Variants in SPTSSB observed in about 807,000 individuals in gnomAD.
The protein encoded by SPTSSB is androgen down regulated in mouse prostate.
A neutral mutation model predicts 7.7 loss-of-function variants in SPTSSB; 6 were observed. The ratio of observed to expected loss-of-function variants is 0.78; its 90% confidence interval spans 0.43 to 1.54. The LOEUF (loss-of-function observed/expected upper bound fraction) is 1.54. SPTSSB is among the 40% of genes most tolerant of loss of function. SPTSSB has a pLI of 0.01. For missense variants in SPTSSB, 91 were observed against 93.0 expected, an observed-to-expected ratio of 0.98 and a Z score of 0.09; for synonymous variants, 28 against 29.7, an observed-to-expected ratio of 0.94 and a Z score of 0.19.
chr3:161,369,233 C>T (rs1576904535), intron 1 of SPTSSB, among the ~76,000 whole-genome samples: 2 of 152,026 alleles, frequency 1.3e-5, no homozygotes, highest in South Asian at 2.1e-4. Flanking sequence ...TTCTCTAACA[C>T]TTGCTATTAT....
In SPTSSB at chr3:161,345,155, T is replaced by A. The variant is rs1210223702; in HGVS notation, c.*938A>T. 4 of 152,622 alleles carry A rather than the reference T, an allele frequency of 2.6e-5. No homozygotes were observed. Among genetic ancestry groups the A allele is most frequent in the African/African-American group, 9.7e-5 (4 of 41,448 alleles). The allele number at this position is 152,622 out of a possible 1,614,324, so 9.5% of individuals were successfully genotyped here. A position where few individuals can be genotyped will look rare whatever the true frequency, so the allele number is the denominator to read the frequency against. On this transcript the variant is annotated 3_prime_UTR_variant, in exon 3 of 3. Coordinates refer to ENST00000620149, the MANE Select transcript of SPTSSB (RefSeq NM_001040100.2). ...TTTGAAGGAAATTTAATAAATCTTG[T>A]TTTGGCTCTGCAAAGGAGCCACTAT... is the stretch of plus-strand genomic sequence containing the variant.
At chr3:161,347,254 CTATT>C (rs528543478) in intron 2 of SPTSSB, among the ~76,000 whole-genome samples, 9 of 151,970 alleles carry the variant, frequency 5.9e-5, no homozygotes, top group Non-Finnish European at 1.0e-4. Context: ...TATGTTGTGG[CTATT>C]TATTTATTTA....
At chr3:161,369,025 A>G (rs1490953431) in intron 1 of SPTSSB, among the ~76,000 whole-genome samples, 1 of 152,216 alleles carries the variant, frequency 6.6e-6, no homozygotes, top group African/African-American at 2.4e-5. Context: ...CACTATGAAC[A>G]TTTGTGTACA....
At chr3:161,357,809 G>A (rs2108162170) in intron 2 of SPTSSB, among the ~76,000 whole-genome samples, 1 of 152,256 alleles carries the variant, frequency 6.6e-6, no homozygotes, top group South Asian at 2.1e-4. Context: ...AGCCACCAGA[G>A]CTGGAAGAGG....
chr3:161,363,306 T>G (rs1715085252), intron 1 of SPTSSB, among the ~76,000 whole-genome samples: 1 of 151,690 alleles, frequency 6.6e-6, no homozygotes, highest in Non-Finnish European at 1.5e-5. Flanking sequence ...CTAGAAATAG[T>G]ACAGTTAATC....
rs564982103 is a variant in SPTSSB at position 161,359,789 on chromosome 3, A to G, written c.-33+13T>C. 1.0e-6 allele frequency: 1 copy of G among 985,452 alleles called. No homozygotes were observed. Among genetic ancestry groups the G allele is most frequent in the Non-Finnish European group, 1.2e-6 (1 of 829,946 alleles). 61.0% of individuals were successfully genotyped at this position (985,452 alleles called of 1,614,324 possible). On this transcript the variant is annotated intron_variant, in intron 2 of 2. Coordinates refer to ENST00000620149, the MANE Select transcript of SPTSSB (RefSeq NM_001040100.2). ...CAAAGCAAGTCTCCGTGATATAATCAGAATTTACTTGCCTAAGAAAGTCCA... is the reference window on the plus strand; with the variant it reads ...CAAAGCAAGTCTCCGTGATATAATCGGAATTTACTTGCCTAAGAAAGTCCA...
chr3:161,358,584 G>T (rs755816251), intron 2 of SPTSSB, among the ~76,000 whole-genome samples: 12 of 152,202 alleles, frequency 7.9e-5, no homozygotes, highest in Non-Finnish European at 1.3e-4. Context: ...TTCTAATATG[G>T]TATTGCTAGA....
chr3:161,358,044 GTTTTT>G (rs11353900), intron 2 of SPTSSB, among the ~76,000 whole-genome samples: 1 of 114,558 alleles, frequency 8.7e-6, no homozygotes. Flanking sequence ...AGAAACTTTT[GTTTTT>G]TTTTTTTTTT....
chr3:161,364,519 G>T (rs979704175), intron 1 of SPTSSB, among the ~76,000 whole-genome samples: 1 of 151,950 alleles, frequency 6.6e-6, no homozygotes, highest in Non-Finnish European at 1.5e-5. Context: ...CATTTAGTTG[G>T]TAATAGATAA....
intron 2 of SPTSSB, among the ~76,000 whole-genome samples, chr3:161,347,243 A>G (rs932969819): frequency 6.6e-6 from 1 of 152,080 alleles, no homozygotes; most frequent in African/African-American, 2.4e-5. Flanking sequence ...ACTTTTCTCT[A>G]TATGTTGTGG....
intron 2 of SPTSSB, among the ~76,000 whole-genome samples, chr3:161,346,960 T>G (rs1288657450): frequency 6.6e-6 from 1 of 152,166 alleles, no homozygotes. Flanking sequence ...CCTAGTTGGA[T>G]AAGTTAACTG....
intron 2 of SPTSSB, among the ~76,000 whole-genome samples, chr3:161,347,094 C>T (rs1576893028): frequency 1.3e-5 from 2 of 152,154 alleles, no homozygotes; most frequent in East Asian, 3.9e-4. Context: ...CCAAGTATTT[C>T]AGAAAATCTG....
intron 1 of SPTSSB, among the ~76,000 whole-genome samples, chr3:161,365,467 G>T (rs1437347036): frequency 1.3e-5 from 2 of 152,214 alleles, no homozygotes; most frequent in Non-Finnish European, 2.9e-5. Flanking sequence ...TGTCAGGTCG[G>T]CAAATCAGAA....
intron 2 of SPTSSB, among the ~76,000 whole-genome samples, chr3:161,356,717 G>A (rs932489977): frequency 6.6e-6 from 1 of 152,096 alleles, no homozygotes; most frequent in Admixed American, 6.5e-5. Context: ...TCTTATTTTG[G>A]TGACTGACAA....
At chr3:161,357,385 T>C (rs2108161845) in intron 2 of SPTSSB, among the ~76,000 whole-genome samples, 2 of 152,330 alleles carry the variant, frequency 1.3e-5, no homozygotes, top group South Asian at 4.1e-4. Flanking sequence ...GTTGGGTTCA[T>C]CCTCCTTCAC....
intron 2 of SPTSSB, among the ~76,000 whole-genome samples, chr3:161,352,308 T>G (rs1285859534): frequency 6.6e-6 from 1 of 152,210 alleles, no homozygotes; most frequent in Non-Finnish European, 1.5e-5. Flanking sequence ...TTTTCTTTTC[T>G]TGAAATTTTC....
chr3:161,360,144 A>G (rs2108164188), intron 1 of SPTSSB, among the ~76,000 whole-genome samples: 1 of 152,224 alleles, frequency 6.6e-6, no homozygotes, highest in South Asian at 2.1e-4. Flanking sequence ...CACAGGTACC[A>G]GGGTTGAGGG....
chr3:161,355,304 G>T (rs1316331314), intron 2 of SPTSSB, among the ~76,000 whole-genome samples: 1 of 152,184 alleles, frequency 6.6e-6, no homozygotes, highest in Non-Finnish European at 1.5e-5. Flanking sequence ...GCCAAGGGCT[G>T]CCAGGTTGTT....
intron 1 of SPTSSB, among the ~76,000 whole-genome samples, chr3:161,369,442 A>T (rs1576905140): frequency 1.0e-5 from 1 of 100,266 alleles, no homozygotes; most frequent in Admixed American, 1.3e-4. Flanking sequence ...GTGAAGTGGG[A>T]TTGTACTGTG....
Sources: gnomAD v4.1 joint callset for allele counts (sites outside exome capture counted in the v4.1 genomes callset) on GRCh38, gnomAD v4.1.1 for gene constraint, MANE v1.5 for transcripts, NCBI Gene and HGNC (gene_info 2026-07-23, HGNC 2026-07-21) for gene names.